The following CSPG4 variants were observed in gnomAD, a reference collection of about 807,000 sequenced individuals.
CSPG4 encodes chondroitin sulfate proteoglycan 4 (melanoma-associated).
CSPG4 carries 74 observed loss-of-function variants against 139.3 expected under a neutral mutation model. That is an observed-to-expected ratio of 0.53 (90% confidence interval 0.44 to 0.64). CSPG4 has a LOEUF of 0.64. Ranked by LOEUF, CSPG4 falls within the 30% of genes least tolerant of loss-of-function variation. The pLI is 0.00. For missense variants in CSPG4, 2,565 were observed against 3,148.3 expected (o/e 0.81, Z 4.43); for synonymous variants, 1,234 against 1,394.2 (o/e 0.89, Z 2.56).
rs2141434578 is a variant in CSPG4 at position 75,696,671 on chromosome 15, C to T, written c.89-3438G>A. 6.6e-6 allele frequency among the ~76,000 whole-genome samples: 1 copy of T among 152,262 alleles called. No homozygotes were observed. Among genetic ancestry groups the T allele is most frequent in the African/African-American group, 2.4e-5 (1 of 41,546 alleles). On this transcript the variant is annotated intron_variant, in intron 1 of 9. Coordinates refer to ENST00000308508, the MANE Select transcript of CSPG4 (RefSeq NM_001897.5). This position sits in a 1 kb window ranked among gnomAD's most constrained non-coding sequence, Gnocchi z 4.2. ...GTTCCTGCCCCTCCTGCTCAGCGCC[C>T]ATAGAGAGGTTTGCTAAAGGTGGGT...
chr15:75,678,747 GCT>G, intron 8 of CSPG4: 1 of 456,252 alleles, frequency 2.2e-6, no homozygotes, highest in South Asian at 1.5e-5. Context: ...CATAGTCCAC[GCT>G]CTCCCCCAGG....
At chr15:75,684,689 CCT>C in intron 5 of CSPG4, 45 bp downstream of exon 5, 1 of 1,577,498 alleles carries the variant, frequency 6.3e-7, no homozygotes, top group Non-Finnish European at 8.7e-7. Flanking sequence ...GGGACGCTGG[CCT>C]CTTTCTCGAA....
At chr15:75,709,016 T>C (rs1894410395) in intron 1 of CSPG4, among the ~76,000 whole-genome samples, 1 of 152,024 alleles carries the variant, frequency 6.6e-6, no homozygotes, top group African/African-American at 2.4e-5. Flanking sequence ...ACTAACAACA[T>C]GGTTAGTGCA....
At position 75,674,521 on chromosome 15, in the gene CSPG4, G is replaced by A. The variant is rs1036046745; in HGVS notation, c.*1029C>T. The A allele has an allele frequency of 5.2e-5, 20 of 385,534 alleles. No individual in the cohort carries two copies. The highest frequency in any genetic ancestry group is 8.7e-5 in the Non-Finnish European group (19 of 217,996). 23.9% of individuals were successfully genotyped at this position (385,534 alleles called of 1,614,324 possible). A position where few individuals can be genotyped will look rare whatever the true frequency, so the allele number is the denominator to read the frequency against. ...CCTGCCTGGCCCTGTCCATCCCACT[G>A]GCTGAGGCCAGGCCGGAGGGCCGAC... On this transcript the variant is annotated 3_prime_UTR_variant, in exon 10 of 10. Coordinates refer to ENST00000308508, the MANE Select transcript of CSPG4 (RefSeq NM_001897.5).
rs1309772145 is a variant in CSPG4 at position 75,675,299 on chromosome 15, T to A, written c.*251A>T. On this transcript the variant is annotated 3_prime_UTR_variant, in exon 10 of 10. Coordinates refer to ENST00000308508, the MANE Select transcript of CSPG4 (RefSeq NM_001897.5). ...CAAACCAGCTCCAGGGCAGGAGGAC[T>A]GAACTTAAGCCTGCCTCCACCTTGG... The A allele has an allele frequency of 5.2e-6, 2 of 381,896 alleles. No individual in the cohort carries two copies. Among genetic ancestry groups the A allele is most frequent in the African/African-American group, 4.1e-5 (2 of 48,286 alleles). 23.7% of individuals were successfully genotyped at this position (381,896 alleles called of 1,614,324 possible).
chr15:75,702,970 T>C (rs2141438406), intron 1 of CSPG4, among the ~76,000 whole-genome samples: 1 of 140,000 alleles, frequency 7.1e-6, no homozygotes, highest in East Asian at 2.1e-4. Flanking sequence ...AGCCTGCACT[T>C]TGGGGCACGG....
intron 1 of CSPG4, among the ~76,000 whole-genome samples, chr15:75,702,863 G>C (rs1218096248): frequency 6.6e-6 from 1 of 151,452 alleles, no homozygotes; most frequent in East Asian, 2.0e-4. Context: ...CTCTAGCATG[G>C]ACTGGGAGGT....
Position 75,688,703 on chromosome 15 carries a change from G to C in CSPG4, c.2362C>G (p.Arg788Gly), listed in dbSNP as rs753532417. Residue 788 changes from arginine (R) to glycine (G), a missense_variant, in exon 3 of 10, where the codon CGG becomes GGG. Arg to Gly is a moderately radical substitution (Grantham distance 125). Around this residue, in one of 5 missense-constraint regions of CSPG4, gnomAD observed 2,316 missense variants for 2,818.2 expected, o/e 0.82. Transcript: ENST00000308508. ...TIQRATVWML[R>G]LEPLHTQNTQ... ...TTCTGAGTGTGCAGTGGCTCCAGCC[G>C]CAGCATCCACACAGTGGCTCTCTGG... is the stretch of plus-strand genomic sequence containing the variant. 1 of 1,610,416 alleles carries C rather than the reference G, an allele frequency of 6.2e-7. No homozygotes were observed. Among genetic ancestry groups the C allele is most frequent in the Admixed American group, 1.7e-5 (1 of 59,940 alleles).
rs762779229 is a variant in CSPG4 at position 75,677,243 on chromosome 15, T to C, written c.5276A>G (p.Gln1759Arg). 1 of 1,487,784 alleles carries C rather than the reference T, an allele frequency of 6.7e-7. No individual in the cohort carries two copies. Among genetic ancestry groups the C allele is most frequent in the Non-Finnish European group, 9.0e-7 (1 of 1,114,572 alleles). 92.2% of individuals were successfully genotyped at this position (1,487,784 alleles called of 1,614,324 possible). ...GAGGGGCTCCTCGGACACCAACAGC[T>C]GGCCCCGGCTGGGGAACTGTGTGAC... ...FQVTQFPSRG[Q>R]LLVSEEPLHA... Residue 1759 changes from glutamine to arginine, a missense_variant, in exon 10 of 10, where the codon CAG becomes CGG. By Grantham distance (43) the Gln-to-Arg change is conservative. Transcript: ENST00000308508.
intron 1 of CSPG4, among the ~76,000 whole-genome samples, chr15:75,695,487 A>T (rs1252485759): frequency 3.3e-5 from 5 of 151,944 alleles, no homozygotes; most frequent in African/African-American, 1.2e-4. Context: ...GTGCTGCTGG[A>T]GCGCGTGGCC....
rs139564116 is a variant in CSPG4 at position 75,688,590 on chromosome 15, C to T, written c.2475G>A (p.Val825=). Residue 825 remains valine, a synonymous_variant, in exon 3 of 10, where the codon GTG becomes GTA. Coordinates refer to ENST00000308508, the MANE Select transcript of CSPG4 (RefSeq NM_001897.5). ...GGTTGCCTTTCCTGGGAGCCTGAAC[C>T]ACCTCATAATGGAAGGTTGGGGGGC... is the stretch of plus-strand genomic sequence containing the variant. ...GPSPPTFHYE[V]VQAPRKGNLQ... 22 of 1,612,894 alleles carry T rather than the reference C, an allele frequency of 1.4e-5. No homozygotes were observed. Among genetic ancestry groups the T allele is most frequent in the Non-Finnish European group, 1.6e-5 (19 of 1,179,982 alleles).
rs142305247 is a variant in CSPG4, at chr15:75,689,086, C to T, written c.1979G>A (p.Arg660Gln). The T allele has an allele frequency of 8.7e-4, 1,393 of 1,606,136 alleles. 1 individual carries two copies. Among genetic ancestry groups the T allele is most frequent in the African/African-American group, 1.7e-3 (129 of 74,954 alleles). The part of the protein sequence containing the change: ...PPATLKVVAI[R>Q]PAIQIHRSTG... ...GCTGCGGTGGATCTGTATGGCCGGC[C>T]GGATGGCCACCACCTTCAGCGTGGC... Residue 660 changes from arginine (R) to glutamine (Q), a missense_variant, in exon 3 of 10, where the codon CGG (arginine) becomes CAG (glutamine). Arg to Gln is a conservative substitution (Grantham distance 43, BLOSUM62 1). Around this residue, in one of 5 missense-constraint regions of CSPG4, gnomAD observed 2,316 missense variants for 2,818.2 expected, o/e 0.82. Coordinates refer to ENST00000308508, the MANE Select transcript of CSPG4 (RefSeq NM_001897.5).
chr15:75,693,255 G>A (rs910521563), intron 1 of CSPG4, 22 bp from the exon 2 acceptor site: 10 of 1,534,818 alleles, frequency 6.5e-6, no homozygotes, highest in African/African-American at 2.7e-5. Flanking sequence ...AGGGAGCTGT[G>A]GTCAAGGCTC....
rs374698864 is a variant in CSPG4, at chr15:75,688,993, T to C, written c.2072A>G (p.Asn691Ser). Reference protein sequence around the residue: ...ILPANLSVETNAVGQDVSVLF... With the variant: ...ILPANLSVETSAVGQDVSVLF... ...CACGCTCACATCCTGCCCCACGGCA[T>C]TGGTCTCCACCGACAGGTTGGCGGG... Residue 691 changes from asparagine to serine, a missense_variant, in exon 3 of 10, where the codon AAT becomes AGT. Transcript: ENST00000308508. The C allele has an allele frequency of 1.1e-5, 17 of 1,612,246 alleles. No homozygotes were observed. The highest frequency in any genetic ancestry group is 3.5e-4 in the Middle Eastern group (2 of 5,754).
At chr15:75,700,527 G>A (rs2141436954) in intron 1 of CSPG4, among the ~76,000 whole-genome samples, 1 of 152,266 alleles carries the variant, frequency 6.6e-6, no homozygotes, top group African/African-American at 2.4e-5. Flanking sequence ...CCAGAAGCCA[G>A]TGATAAGTGC....
chr15:75,693,915 G>A (rs1225934663), intron 1 of CSPG4, among the ~76,000 whole-genome samples: 1 of 152,278 alleles, frequency 6.6e-6, no homozygotes, highest in Non-Finnish European at 1.5e-5. Context: ...AAGGAGCAAA[G>A]GCTCTGAGGC....
chr15:75,707,236 C>T (rs539746559), intron 1 of CSPG4, among the ~76,000 whole-genome samples: 13 of 152,158 alleles, frequency 8.5e-5, no homozygotes, highest in African/African-American at 2.2e-4. Flanking sequence ...GGATTACAGG[C>T]GTGAGCCACC....
chr15:75,708,855 C>T (rs1360413020), intron 1 of CSPG4, among the ~76,000 whole-genome samples: 5 of 152,264 alleles, frequency 3.3e-5, no homozygotes, highest in South Asian at 2.1e-4. Context: ...AGTGAGACCT[C>T]GTCTCTACAA....
At chr15:75,682,785 C>T in intron 6 of CSPG4, 44 bp from the exon 7 acceptor site, 1 of 1,607,740 alleles carries the variant, frequency 6.2e-7, no homozygotes, top group Non-Finnish European at 8.5e-7. Context: ...AGCCGGCTCC[C>T]CATCTCAGGG....
Sources: allele counts gnomAD v4.1 joint callset (sites outside exome capture counted in the v4.1 genomes callset), GRCh38; gene constraint gnomAD v4.1.1; regional missense constraint gnomAD v4.1.1; non-coding constraint Gnocchi (gnomAD v3.1); transcripts MANE v1.5; gene names NCBI Gene and HGNC (gene_info 2026-07-23, HGNC 2026-07-21).